The following B4GALNT3 variants were observed in gnomAD, a reference collection of about 807,000 sequenced individuals.
B4GALNT3 encodes beta-1,4-N-acetyl-galactosaminyltransferase 3.
B4GALNT3 carries 86 observed loss-of-function variants against 120.2 expected under a neutral mutation model. The observed-to-expected ratio is 0.72, with a 90% CI of 0.60 to 0.86. The LOEUF is 0.86. Ranked by LOEUF, B4GALNT3 falls within the 40% of genes least tolerant of loss-of-function variation. The probability of loss-of-function intolerance (pLI) is 0.00; values close to 1 mark genes in which losing one functional copy is unlikely to be tolerated. For synonymous variants in B4GALNT3, 518 were observed against 510.4 expected (o/e 1.01, Z -0.20); for missense variants, 1,167 against 1,298.9 (o/e 0.90, Z 1.56).
intron 1 of B4GALNT3, among the ~76,000 whole-genome samples, chr12:490,005 C>T (rs559798673): frequency 6.3e-4 from 96 of 152,170 alleles, no homozygotes; most frequent in African/African-American, 2.0e-3. Context: ...AATGTGCTTT[C>T]GAATAACACT....
chr12:532,953 T>G (rs1345217105), intron 1 of B4GALNT3, among the ~76,000 whole-genome samples: 2 of 152,240 alleles, frequency 1.3e-5, no homozygotes, highest in Non-Finnish European at 2.9e-5. Flanking sequence ...TGAGACGCAC[T>G]GTAACTCCCA....
At chr12:561,247 C>A in intron 19 of B4GALNT3, 96 bp from the exon 20 acceptor site, 2 of 893,158 alleles carry the variant, frequency 2.2e-6, no homozygotes, top group Admixed American at 2.0e-5. Context: ...TTCCCTGCCC[C>A]GTGGGGAGCG....
chr12:513,310 A>G (rs1267738533), intron 1 of B4GALNT3, among the ~76,000 whole-genome samples: 1 of 152,260 alleles, frequency 6.6e-6, no homozygotes, highest in Non-Finnish European at 1.5e-5. Context: ...TAAAGGAGTA[A>G]AACAATGACT....
chr12:557,420 A>G (rs912521305), intron 15 of B4GALNT3, among the ~76,000 whole-genome samples, 188 bp from the exon 16 acceptor site: 4 of 152,110 alleles, frequency 2.6e-5, no homozygotes, highest in Non-Finnish European at 4.4e-5. Flanking sequence ...GGCCCCCTTA[A>G]CTGGTGAGCA....
rs143828393 is a variant in B4GALNT3 at position 556,600 on chromosome 12, G to A, written c.2114G>A (p.Arg705His). The A allele has an allele frequency of 4.8e-5, 77 of 1,614,076 alleles. No individual in the cohort carries two copies. The African/African-American group carries it at 7.2e-4, about 15-fold the overall frequency. Reference protein sequence around the residue: ...VNVEKRQDQLRGGRYLLELEL... With the variant: ...VNVEKRQDQLHGGRYLLELEL... Reference sequence around the variant, plus strand: ...GTGGAAAAGCGTCAGGACCAGCTACGTGGGGGTCGCTACCTCCTGGAGCTT... The same window carrying A: ...GTGGAAAAGCGTCAGGACCAGCTACATGGGGGTCGCTACCTCCTGGAGCTT... Residue 705 changes from arginine to histidine, a missense_variant, in exon 15 of 20, where the codon CGT becomes CAT. Physicochemically the swap from Arg to His is conservative, Grantham distance 29 (BLOSUM62 0). Transcript: ENST00000266383.
At chr12:474,237 A>G (rs1946162488) in intron 1 of B4GALNT3, among the ~76,000 whole-genome samples, 1 of 152,190 alleles carries the variant, frequency 6.6e-6, no homozygotes, top group African/African-American at 2.4e-5. Flanking sequence ...GCTGGGCAGA[A>G]AATGATCGTG....
At chr12:493,109 A>G (rs1418759276) in intron 1 of B4GALNT3, among the ~76,000 whole-genome samples, 1 of 152,232 alleles carries the variant, frequency 6.6e-6, no homozygotes, top group Non-Finnish European at 1.5e-5. Flanking sequence ...CCTTAAATGT[A>G]AAATCTGTTC....
rs1565608977 is a variant in B4GALNT3 at position 548,039 on chromosome 12, C to T, written c.723C>T (p.His241=). The part of the protein sequence containing the change: ...ISKPVSLSAS[H]RYYFEVLHKQ... Reference sequence around the variant, plus strand: ...CTCCCGCCAGCCTGTCAGCCTCCCACAGGTACTACTTCGAGGTGCTGCACA... The same window carrying T: ...CTCCCGCCAGCCTGTCAGCCTCCCATAGGTACTACTTCGAGGTGCTGCACA... Residue 241 remains histidine (H), a synonymous_variant, in exon 8 of 20, where the codon CAC becomes CAT. Transcript: ENST00000266383. This position sits in a 1 kb window ranked among gnomAD's most constrained non-coding sequence, Gnocchi z 4.9. 3 of 1,613,992 alleles carry T rather than the reference C, an allele frequency of 1.9e-6. No homozygotes were observed. The highest frequency in any genetic ancestry group is 2.5e-6 in the Non-Finnish European group (3 of 1,180,028).
rs181024508 is a variant in B4GALNT3 at position 474,128 on chromosome 12, G to A, written c.169+13583G>A. Among the ~76,000 whole-genome samples, 9 of 152,312 alleles carry A rather than the reference G, an allele frequency of 5.9e-5. No individual in the cohort carries two copies. The East Asian group carries it at 1.5e-3, about 26-fold the overall frequency. On this transcript the variant is annotated intron_variant, in intron 1 of 19. Coordinates refer to ENST00000266383, the MANE Select transcript of B4GALNT3 (RefSeq NM_173593.4). ...CCTAATCCATTGTCCTGAAAACAACGTCCTCCTTCACCTCACTGGCAGGAA... is the reference window on the plus strand; with the variant it reads ...CCTAATCCATTGTCCTGAAAACAACATCCTCCTTCACCTCACTGGCAGGAA...
chr12:479,472 G>T (rs1278863837), intron 1 of B4GALNT3, among the ~76,000 whole-genome samples: 1 of 152,156 alleles, frequency 6.6e-6, no homozygotes, highest in African/African-American at 2.4e-5. Context: ...AGTAAAAGGG[G>T]ATATACTTAG....
Position 550,943 on chromosome 12 carries a change from A to G in B4GALNT3, c.1019A>G (p.His340Arg), listed in dbSNP as rs1449226867. ...LYRVPLIPKS[H>R]LRHVLPDCPY... The stretch of plus-strand genomic sequence containing the variant: ...TCAGTGCCTCTGATCCCCAAGTCGC[A>G]TCTCCGCCACGTCCTGCCTGACTGT... The change falls in exon 11 of 20, where the codon CAT becomes CGT. Residue 340 changes from histidine to arginine, a missense_variant. This residue lies in a region of B4GALNT3 where 983 missense variants were observed against 1,102.5 expected (regional missense o/e 0.89). Coordinates refer to ENST00000266383, the MANE Select transcript of B4GALNT3 (RefSeq NM_173593.4). The surrounding 1 kb of genome is among the most constrained non-coding windows in gnomAD (Gnocchi z 4.1). The G allele has an allele frequency of 2.5e-6, 4 of 1,613,782 alleles. No individual in the cohort carries two copies. In the African/African-American group the frequency reaches 4.0e-5, roughly 16 times the overall value.
chr12:503,623 C>G (rs890998759), intron 1 of B4GALNT3, among the ~76,000 whole-genome samples: 2 of 152,190 alleles, frequency 1.3e-5, no homozygotes, highest in African/African-American at 4.8e-5. Context: ...TCCTCCACCC[C>G]CACCTGCACT....
intron 14 of B4GALNT3, among the ~76,000 whole-genome samples, chr12:554,783 C>G (rs1947131906): frequency 1.0e-5 from 1 of 97,618 alleles, no homozygotes; most frequent in South Asian, 4.0e-4. Context: ...GAGCAAGACT[C>G]CGTCTCAAAA....
chr12:561,707 G>T lies in B4GALNT3; in HGVS notation c.*256G>T. 2.2e-6 allele frequency: 1 copy of T among 458,504 alleles called. No individual in the cohort carries two copies. Among genetic ancestry groups the T allele is most frequent in the Non-Finnish European group, 4.0e-6 (1 of 253,030 alleles). The allele number at this position is 458,504 out of a possible 1,614,324, so 28.4% of individuals were successfully genotyped here. ...GGACCACTTGCTCAGTCGAGAACGG[G>T]AAGAGCTCCTGAGAAGGACGGGTCA... On this transcript the variant is annotated 3_prime_UTR_variant, in exon 20 of 20. Transcript: ENST00000266383.
At chr12:463,992 A>G (rs1946051849) in intron 1 of B4GALNT3, among the ~76,000 whole-genome samples, 2 of 152,212 alleles carry the variant, frequency 1.3e-5, no homozygotes, top group Admixed American at 6.5e-5. Context: ...AAGGGTAACA[A>G]TACTTTTGGT....
At chr12:502,938 T>C (rs376362485) in intron 1 of B4GALNT3, among the ~76,000 whole-genome samples, 28 of 152,114 alleles carry the variant, frequency 1.8e-4, no homozygotes, top group African/African-American at 5.8e-4. Context: ...TTTTTATTTT[T>C]TGTAGAGATA....
chr12:504,725 C>A (rs903824739), intron 1 of B4GALNT3, among the ~76,000 whole-genome samples: 4 of 151,966 alleles, frequency 2.6e-5, no homozygotes, highest in African/African-American at 4.8e-5. Context: ...AACAAACAAA[C>A]AAAAAAACCC....
chr12:502,716 C>T (rs1234508384), intron 1 of B4GALNT3, among the ~76,000 whole-genome samples: 12 of 152,098 alleles, frequency 7.9e-5, no homozygotes, highest in Admixed American at 7.9e-4. Flanking sequence ...AGGAGTGACA[C>T]GTGAGCACTT....
In B4GALNT3 at chr12:478,296, A is replaced by T. The variant is rs868074116; in HGVS notation, c.169+17751A>T. On this transcript the variant is annotated intron_variant, in intron 1 of 19. Coordinates refer to ENST00000266383, the MANE Select transcript of B4GALNT3 (RefSeq NM_173593.4). ...AATTAGAGGAGGTAAAAAAAAAAAA[A>T]ATATTCAAGCCTGATTTAGCTTGTT... Among the ~76,000 whole-genome samples, 11 of 151,554 alleles carry T rather than the reference A, an allele frequency of 7.3e-5. No homozygotes were observed. In the East Asian group the frequency reaches 7.8e-4, roughly 11 times the overall value.
Sources: gnomAD v4.1 joint callset for allele counts (sites outside exome capture counted in the v4.1 genomes callset) on GRCh38, gnomAD v4.1.1 for gene constraint, gnomAD v4.1.1 regional missense constraint, Gnocchi (gnomAD v3.1) non-coding constraint, MANE v1.5 for transcripts, NCBI Gene and HGNC (gene_info 2026-07-23, HGNC 2026-07-21) for gene names.